The following MSI1 variants were observed in gnomAD, a reference collection of about 807,000 sequenced individuals.
MSI1 encodes the protein musashi RNA binding protein 1, also known as RNA-binding protein Musashi homolog 1.
In MSI1, 15 loss-of-function variants were observed where a neutral mutation model predicts 54.4. That is an observed-to-expected ratio of 0.28 (90% CI 0.18 to 0.42). The LOEUF is 0.42. Among genes scored for constraint, MSI1 ranks in the 20% least tolerant of loss-of-function variants. The pLI is 1.00. For missense variants in MSI1, 304 were observed against 506.0 expected, an observed-to-expected ratio of 0.60 and a Z score of 3.83; for synonymous variants, 200 against 196.5, an observed-to-expected ratio of 1.02 and a Z score of -0.15.
chr12:120,365,417 T>C (rs1357607843), intron 4 of MSI1, among the ~76,000 whole-genome samples: 2 of 152,144 alleles, frequency 1.3e-5, no homozygotes, highest in Non-Finnish European at 2.9e-5. Context: ...TGGCATGGTG[T>C]CTAGCTCACA....
At chr12:120,350,593 G>C (rs1042281389) in intron 11 of MSI1, among the ~76,000 whole-genome samples, 3 of 152,104 alleles carry the variant, frequency 2.0e-5, no homozygotes, top group Non-Finnish European at 4.4e-5. Context: ...AGAGTCTGGG[G>C]GTGGGGTGGG....
In MSI1 at chr12:120,368,730, C is replaced by G; in HGVS notation, c.100+103G>C. On this transcript the variant is annotated intron_variant, in intron 2 of 14. Transcript: ENST00000257552. This position sits in a 1 kb window ranked among gnomAD's most constrained non-coding sequence, Gnocchi z 6.6. ...GCGCGAAAGAGGGCGCGAGGGCGCC[C>G]GGGGTCAGCAGGGCGCAGGGCCGGG... The G allele has an allele frequency of 2.7e-6, 3 of 1,100,722 alleles. No homozygotes were observed. Among genetic ancestry groups the G allele is most frequent in the Non-Finnish European group, 3.4e-6 (3 of 870,266 alleles). The allele number at this position is 1,100,722 out of a possible 1,614,324, so 68.2% of individuals were successfully genotyped here.
In MSI1 at chr12:120,368,358, C is replaced by A; in HGVS notation, c.101-85G>T. 7.2e-7 allele frequency: 1 copy of A among 1,381,466 alleles called. No individual in the cohort carries two copies. The highest frequency in any genetic ancestry group is 9.7e-7 in the Non-Finnish European group (1 of 1,033,726). The allele number at this position is 1,381,466 out of a possible 1,614,324, so 85.6% of individuals were successfully genotyped here. A position where few individuals can be genotyped will look rare whatever the true frequency, so the allele number is the denominator to read the frequency against. On this transcript the variant is annotated intron_variant, in intron 2 of 14. Transcript: ENST00000257552. This position sits in a 1 kb window ranked among gnomAD's most constrained non-coding sequence, Gnocchi z 6.6. Reference sequence around the variant, plus strand: ...TCCTTTGCCCCCGGTGACCCCGGAGCGGCCCGGCCGCCCCCGCGCCAAGCT... The same window carrying A: ...TCCTTTGCCCCCGGTGACCCCGGAGAGGCCCGGCCGCCCCCGCGCCAAGCT...
At chr12:120,354,192 C>T (rs190257921) in intron 9 of MSI1, among the ~76,000 whole-genome samples, 27 of 152,026 alleles carry the variant, frequency 1.8e-4, no homozygotes, top group African/African-American at 6.5e-4. Flanking sequence ...TGCTGTATTG[C>T]CCAGGCTGGT....
chr12:120,353,243 G>A, intron 10 of MSI1, 56 bp downstream of exon 10: 2 of 1,560,708 alleles, frequency 1.3e-6, no homozygotes, highest in Non-Finnish European at 8.8e-7. Flanking sequence ...TGAGAAGTCA[G>A]ACTGCCCGGG....
chr12:120,352,318 T>G (rs115937126), intron 10 of MSI1, among the ~76,000 whole-genome samples: 1,661 of 152,220 alleles, frequency 0.011, 42 homozygotes, highest in African/African-American at 0.038. Context: ...CGGGTGTCTC[T>G]AAAAGGCTTA....
At position 120,368,396 on chromosome 12, in the gene MSI1, T is replaced by C; in HGVS notation, c.101-123A>G. On this transcript the variant is annotated intron_variant, in intron 2 of 14. Transcript: ENST00000257552. This position sits in a 1 kb window ranked among gnomAD's most constrained non-coding sequence, Gnocchi z 6.6. ...CCCGCGCCAAGCTGCCCGCGCGTTC[T>C]CCACTGCCGCCGCCCCCCACCGCCC... is the stretch of plus-strand genomic sequence containing the variant. 1 of 997,174 alleles carries C rather than the reference T, an allele frequency of 1.0e-6. No homozygotes were observed. The highest frequency in any genetic ancestry group is 1.4e-6 in the Non-Finnish European group (1 of 720,928). 61.8% of individuals were successfully genotyped at this position (997,174 alleles called of 1,614,324 possible). A position where few individuals can be genotyped will look rare whatever the true frequency, so the allele number is the denominator to read the frequency against.
At chr12:120,360,291 T>A (rs1488745245) in intron 6 of MSI1, among the ~76,000 whole-genome samples, 5 of 152,138 alleles carry the variant, frequency 3.3e-5, no homozygotes, top group Non-Finnish European at 7.3e-5. Flanking sequence ...GACCCCATCA[T>A]CTACCTTCTA....
At chr12:120,366,051 T>C (rs1278562935) in intron 4 of MSI1, among the ~76,000 whole-genome samples, 6 of 152,164 alleles carry the variant, frequency 3.9e-5, no homozygotes, top group East Asian at 1.9e-4. Flanking sequence ...CTGGGTACTA[T>C]AGCTGTACGA....
rs1002857391 is a variant in MSI1 at position 120,363,127 on chromosome 12, A to C, written c.318T>G (p.Thr106=). ...CCCCCACAAAGATCTTCTTCGTTCG[A>C]GTCACCATCTGTTAGGGGAGGGAAT... is the stretch of plus-strand genomic sequence containing the variant. ...FPRRAQPKMV[T]RTKKIFVGGL... is the part of the protein sequence containing the mutation. The change falls in exon 6 of 15, where the codon ACT becomes ACG. Residue 106 remains threonine, a synonymous_variant. Transcript: ENST00000257552. 6.2e-7 allele frequency: 1 copy of C among 1,613,554 alleles called. No homozygotes were observed. Among genetic ancestry groups the C allele is most frequent in the African/African-American group, 1.3e-5 (1 of 74,782 alleles).
At chr12:120,353,183 C>A in intron 10 of MSI1, 116 bp downstream of exon 10, 1 of 1,007,712 alleles carries the variant, frequency 9.9e-7, no homozygotes, top group Non-Finnish European at 1.5e-6. Flanking sequence ...GCCCTTCCTT[C>A]CAAGCCTCCA....
chr12:120,340,075 C>T (rs574642603), downstream of MSI1, among the ~76,000 whole-genome samples: 21 of 148,048 alleles, frequency 1.4e-4, no homozygotes, highest in Admixed American at 1.4e-3. Flanking sequence ...AGCCAACGTG[C>T]CCAGCCAAAA....
chr12:120,358,026 C>A (rs1875290769), intron 7 of MSI1, 128 bp from the exon 8 acceptor site: 3 of 754,680 alleles, frequency 4.0e-6, no homozygotes, highest in South Asian at 1.6e-5. Context: ...AGGCTCTGCT[C>A]ACAGCCTGGA....
At chr12:120,353,077 G>T (rs1172722084) in intron 10 of MSI1, among the ~76,000 whole-genome samples, 1 of 151,934 alleles carries the variant, frequency 6.6e-6, no homozygotes, top group East Asian at 1.9e-4. Context: ...GGGAGAAAAC[G>T]GTGCCATGCA....
rs1171307111 is a variant in MSI1, at chr12:120,351,795, G to A, written c.734-395C>T. On this transcript the variant is annotated intron_variant, in intron 10 of 14. Transcript: ENST00000257552. ...GCGATCTCGGCTCACTGCAAGCTCCGCCTTCCGGGTTCACGCCATTCTCCT... is the reference window on the plus strand; with the variant it reads ...GCGATCTCGGCTCACTGCAAGCTCCACCTTCCGGGTTCACGCCATTCTCCT... Among the ~76,000 whole-genome samples, 9 of 146,446 alleles carry A rather than the reference G, an allele frequency of 6.1e-5. No homozygotes were observed. In the Admixed American group the frequency reaches 6.3e-4, roughly 10 times the overall value.
Position 120,351,381 on chromosome 12 carries a change from G to T in MSI1, c.753C>A (p.Thr251=). 2 of 1,609,622 alleles carry T rather than the reference G, an allele frequency of 1.2e-6. No homozygotes were observed. Among genetic ancestry groups the T allele is most frequent in the Non-Finnish European group, 1.7e-6 (2 of 1,178,382 alleles). Residue 251 remains threonine (T), a synonymous_variant, in exon 11 of 15, where the codon ACC becomes ACA. Transcript: ENST00000257552. ...GGAGGACTGGGGCGCTCGGGAGAGG[G>T]GTCCGCTCTACACGGAATTCTAAAA... ...YQFPEFRVER[T]PLPSAPVLPE... is the part of the protein sequence containing the mutation.
At position 120,364,694 on chromosome 12, in the gene MSI1, C is replaced by T. The variant is rs370330303; in HGVS notation, c.309+20G>A. On this transcript the variant is annotated intron_variant, in intron 5 of 14. Coordinates refer to ENST00000257552, the MANE Select transcript of MSI1 (RefSeq NM_002442.4). ...ATTGCCCATAGTAAGAGAGCTCCTCCCAGACATAGACACACCTACCTTGGG... is the reference window on the plus strand; with the variant it reads ...ATTGCCCATAGTAAGAGAGCTCCTCTCAGACATAGACACACCTACCTTGGG... 3 of 1,576,974 alleles carry T rather than the reference C, an allele frequency of 1.9e-6. No homozygotes were observed. Among genetic ancestry groups the T allele is most frequent in the East Asian group, 2.3e-5 (1 of 42,872 alleles).
chr12:120,352,589 G>A (rs1007587048), intron 10 of MSI1, among the ~76,000 whole-genome samples: 9 of 152,084 alleles, frequency 5.9e-5, no homozygotes, highest in African/African-American at 1.7e-4. Context: ...ATTAGGCAAC[G>A]TCCCGTACAC....
intron 11 of MSI1, among the ~76,000 whole-genome samples, chr12:120,349,095 A>AT (rs11447122): frequency 0.45 from 58,290 of 128,278 alleles, 14,925 homozygotes; most frequent in South Asian, 0.62. Flanking sequence ...GTTTTACTTG[A>AT]TTTTTTTTTT....
Sources: gnomAD v4.1 joint callset for allele counts (sites outside exome capture counted in the v4.1 genomes callset) on GRCh38, gnomAD v4.1.1 for gene constraint, Gnocchi (gnomAD v3.1) non-coding constraint, MANE v1.5 for transcripts, NCBI Gene and HGNC (gene_info 2026-07-23, HGNC 2026-07-21) for gene names.